CFAP20DC: variants seen among roughly 807,000 people sequenced by gnomAD.
CFAP20DC encodes the protein CFAP20 domain containing.
In CFAP20DC, 84 loss-of-function variants were observed where a neutral mutation model predicts 101.7. That is an observed-to-expected ratio of 0.83 (90% CI 0.69 to 0.99). The LOEUF (loss-of-function observed/expected upper bound fraction) is 0.99. Among genes scored for constraint, CFAP20DC ranks in the 50% least tolerant of loss-of-function variants. The pLI, the probability that CFAP20DC is intolerant of heterozygous loss-of-function variation, is 0.00. For synonymous variants in CFAP20DC, 359 were observed against 351.2 expected (o/e 1.02, Z -0.25); for missense variants, 1,007 against 970.3 (o/e 1.04, Z -0.50).
intron 6 of CFAP20DC, among the ~76,000 whole-genome samples, chr3:58,885,269 T>C (rs1228593205): frequency 6.6e-6 from 1 of 152,120 alleles, no homozygotes; most frequent in Admixed American, 6.5e-5. Context: ...TTCAAAATAA[T>C]AGCTTATTAT....
At chr3:58,968,438 T>TA (rs2091732267) in intron 4 of CFAP20DC, among the ~76,000 whole-genome samples, 1 of 152,158 alleles carries the variant, frequency 6.6e-6, no homozygotes, top group Non-Finnish European at 1.5e-5. Flanking sequence ...TTGTGGTTTT[T>TA]ATCTGCATTT....
In CFAP20DC at chr3:58,859,613, A is replaced by C. The variant is rs1258778853; in HGVS notation, c.1593+3945T>G. ...AGAGCTTCAATAGATAATAATAAAG[A>C]CATGTAGATGTGAACAGCCTAAAAA... On this transcript the variant is annotated intron_variant, in intron 12 of 16. Transcript: ENST00000482387. This position sits in a 1 kb window ranked among gnomAD's most constrained non-coding sequence, Gnocchi z 4.1. Among the ~76,000 whole-genome samples the C allele has an allele frequency of 6.6e-6, 1 of 152,232 alleles. No individual in the cohort carries two copies.
At position 58,721,249 on chromosome 3, in the gene CFAP20DC, C is replaced by A. The variant is rs150581376; in HGVS notation, c.198-3621G>T. Among the ~76,000 whole-genome samples, 8 of 152,254 alleles carry A rather than the reference C, an allele frequency of 5.3e-5. No homozygotes were observed. The highest frequency in any genetic ancestry group is 8.8e-5 in the Non-Finnish European group (6 of 68,018). ...ATCACTATATAAATATGTTCCAACA[C>A]GTTTATTAAACACCTTATCTGGGCC... On this transcript the variant is annotated intron_variant, in intron 3 of 3. Coordinates refer to the CFAP20DC transcript ENST00000486145. The surrounding 1 kb of genome is among the most constrained non-coding windows in gnomAD (Gnocchi z 5.2).
At position 58,938,915 on chromosome 3, in the gene CFAP20DC, C is replaced by T. The variant is rs114679998; in HGVS notation, c.279-1153G>A. Among the ~76,000 whole-genome samples, 1,124 of 152,262 alleles carry T rather than the reference C, an allele frequency of 7.4e-3. 14 individuals are homozygous for T. Among genetic ancestry groups the T allele is most frequent in the African/African-American group, 0.026 (1,072 of 41,540 alleles). Reference sequence around the variant, plus strand: ...AATTCATTTAAAATACAACGTCTTTCAATCCATAGTCAGAGCTAAGGTTTA... The same window carrying T: ...AATTCATTTAAAATACAACGTCTTTTAATCCATAGTCAGAGCTAAGGTTTA... On this transcript the variant is annotated intron_variant, in intron 4 of 16. Transcript: ENST00000482387.
intron 13 of CFAP20DC, among the ~76,000 whole-genome samples, chr3:58,838,630 T>C (rs1159523701): frequency 6.6e-6 from 1 of 152,218 alleles, no homozygotes; most frequent in Non-Finnish European, 1.5e-5. Context: ...GCTATATTTA[T>C]ATAGAATAAC....
intron 4 of CFAP20DC, among the ~76,000 whole-genome samples, chr3:58,947,340 A>T (rs2089498586): frequency 1.3e-5 from 2 of 152,238 alleles, no homozygotes; most frequent in African/African-American, 4.8e-5. Flanking sequence ...CTTTTGCAGG[A>T]TATACCTGAT....
intron 4 of CFAP20DC, among the ~76,000 whole-genome samples, chr3:58,963,955 CTG>C (rs2091350924): frequency 6.6e-6 from 1 of 152,172 alleles, no homozygotes; most frequent in South Asian, 2.1e-4. Context: ...AGAACAGACT[CTG>C]TGGCAATAAG....
intron 15 of CFAP20DC, among the ~76,000 whole-genome samples, chr3:58,800,016 AAG>A (rs2073569018): frequency 6.6e-6 from 1 of 152,166 alleles, no homozygotes; most frequent in Non-Finnish European, 1.5e-5. Flanking sequence ...ATCAGAGGGA[AAG>A]AGAAGGAACC....
intron 3 of CFAP20DC, among the ~76,000 whole-genome samples, chr3:58,720,002 T>C (rs1372297868): frequency 6.6e-6 from 1 of 152,248 alleles, no homozygotes; most frequent in African/African-American, 2.4e-5. Context: ...AATGTCTCCT[T>C]GGAGGGGCTT....
intron 4 of CFAP20DC, among the ~76,000 whole-genome samples, chr3:59,012,797 T>C (rs1405228605): frequency 6.6e-6 from 1 of 152,130 alleles, no homozygotes; most frequent in Non-Finnish European, 1.5e-5. Context: ...ACTTGAGAGA[T>C]GAGATTAAGA....
chr3:58,949,072 T>C (rs1229876196), intron 4 of CFAP20DC, among the ~76,000 whole-genome samples: 3 of 152,224 alleles, frequency 2.0e-5, no homozygotes, highest in African/African-American at 7.2e-5. Context: ...CTAGTTTATT[T>C]GCGTAGAGGT....
intron 6 of CFAP20DC, among the ~76,000 whole-genome samples, chr3:58,896,601 T>A (rs2082685448): frequency 6.6e-6 from 1 of 152,236 alleles, no homozygotes; most frequent in Admixed American, 6.5e-5. Context: ...CTCATTAGTT[T>A]CAAAAAACTT....
At chr3:58,806,546 C>T (rs2074072933) in intron 14 of CFAP20DC, 90 bp from the exon 15 acceptor site, 2 of 972,418 alleles carry the variant, frequency 2.1e-6, no homozygotes, top group South Asian at 1.3e-5. Flanking sequence ...GTAACTGTTT[C>T]CTCAGACACA....
intron 4 of CFAP20DC, among the ~76,000 whole-genome samples, chr3:58,950,463 A>T (rs1373291396): frequency 1.3e-5 from 2 of 152,206 alleles, no homozygotes; most frequent in Non-Finnish European, 2.9e-5. Flanking sequence ...GTCAATCCTA[A>T]GCCAAAAGAA....
Position 59,048,893 on chromosome 3 carries a change from G to GA in CFAP20DC, c.21+717dup, listed in dbSNP as rs1454463196. On this transcript the variant is annotated intron_variant, in intron 1 of 16. Coordinates refer to ENST00000482387, the MANE Select transcript of CFAP20DC (RefSeq NM_001394063.1). ...TCCAGTGAGGTGAGGAAAGCAGGTC[G>GA]AGACACTCTAGGATACTCAAAGTGA... Among the ~76,000 whole-genome samples the GA allele has an allele frequency of 6.6e-5, 10 of 152,244 alleles. No homozygotes were observed. In the East Asian group the frequency reaches 1.7e-3, roughly 26 times the overall value.
At chr3:58,888,552 T>C (rs981558882) in intron 6 of CFAP20DC, among the ~76,000 whole-genome samples, 3 of 152,212 alleles carry the variant, frequency 2.0e-5, no homozygotes, top group Non-Finnish European at 4.4e-5. Flanking sequence ...TACTTCCTGA[T>C]GCTCTCCTTT....
chr3:58,913,325 C>T lies in CFAP20DC; in HGVS notation c.550+383G>A, dbSNP rs1358351292. Among the ~76,000 whole-genome samples, 2 of 152,084 alleles carry T rather than the reference C, an allele frequency of 1.3e-5. No homozygotes were observed. Among genetic ancestry groups the T allele is most frequent in the Admixed American group, 6.6e-5 (1 of 15,258 alleles). ...GTGGGAGAGGCTGGATTCTTCTTGA[C>T]TATAGGCTCTCAGCTGACTCTCTAA... On this transcript the variant is annotated intron_variant, in intron 6 of 16. Coordinates refer to ENST00000482387, the MANE Select transcript of CFAP20DC (RefSeq NM_001394063.1). This position sits in a 1 kb window ranked among gnomAD's most constrained non-coding sequence, Gnocchi z 4.4.
At chr3:58,747,721 G>T (rs1426890234) in intron 16 of CFAP20DC, among the ~76,000 whole-genome samples, 1 of 152,166 alleles carries the variant, frequency 6.6e-6, no homozygotes, top group Non-Finnish European at 1.5e-5. Context: ...TGACATTTTA[G>T]ATAAGTTTCT....
At position 58,861,672 on chromosome 3, in the gene CFAP20DC, C is replaced by G. The variant is rs1017363980; in HGVS notation, c.1593+1886G>C. ...TCGTTAGTCTCTGTACCAGCAAACC[C>G]CAAAGCTTGATAATGTGGCAGGTGT... On this transcript the variant is annotated intron_variant, in intron 12 of 16. Coordinates refer to ENST00000482387, the MANE Select transcript of CFAP20DC (RefSeq NM_001394063.1). This position sits in a 1 kb window ranked among gnomAD's most constrained non-coding sequence, Gnocchi z 4.0. 11 of 985,348 alleles carry G rather than the reference C, an allele frequency of 1.1e-5. No homozygotes were observed. The highest frequency in any genetic ancestry group is 1.3e-5 in the Non-Finnish European group (11 of 829,912). The allele number at this position is 985,348 out of a possible 1,614,324, so 61.0% of individuals were successfully genotyped here. A position where few individuals can be genotyped will look rare whatever the true frequency, so the allele number is the denominator to read the frequency against.
Sources: gnomAD v4.1 joint callset for allele counts (sites outside exome capture counted in the v4.1 genomes callset) on GRCh38, gnomAD v4.1.1 for gene constraint, Gnocchi (gnomAD v3.1) non-coding constraint, MANE v1.5 for transcripts, NCBI Gene and HGNC (gene_info 2026-07-23, HGNC 2026-07-21) for gene names.